The following TRIP12 variants were observed in gnomAD, a reference collection of about 807,000 sequenced individuals.
The protein encoded by TRIP12 is thyroid hormone receptor interactor 12.
In TRIP12, 25 loss-of-function variants were observed where a neutral mutation model predicts 244.2. The ratio of observed to expected loss-of-function variants is 0.10; its 90% CI spans 0.07 to 0.14. TRIP12 has a LOEUF of 0.14. Ranked by LOEUF, TRIP12 falls within the 10% of genes least tolerant of loss-of-function variation. The pLI is 1.00. For synonymous variants in TRIP12, 905 were observed against 873.1 expected (o/e 1.04, Z -0.64); for missense variants, 1,677 against 2,486.4 (o/e 0.67, Z 6.92).
intron 1 of TRIP12, among the ~76,000 whole-genome samples, chr2:229,882,119 T>C (rs1228601683): frequency 6.6e-6 from 1 of 152,180 alleles, no homozygotes; most frequent in Non-Finnish European, 1.5e-5. Flanking sequence ...ATCTATCAAA[T>C]GAGGATAAAG....
chr2:229,767,120 T>C lies in TRIP12; in HGVS notation c.*434A>G, dbSNP rs2032038170. On this transcript the variant is annotated 3_prime_UTR_variant, in exon 42 of 42. Transcript: ENST00000675903. Reference sequence around the variant, plus strand: ...TACTAAACTATATTTGTCAAATACATGTGAGCTTAAATTTCTGTACTTATG... The same window carrying C: ...TACTAAACTATATTTGTCAAATACACGTGAGCTTAAATTTCTGTACTTATG... 6.4e-6 allele frequency: 1 copy of C among 155,826 alleles called. No individual in the cohort carries two copies. The highest frequency in any genetic ancestry group is 1.4e-5 in the Non-Finnish European group (1 of 70,418). The allele number at this position is 155,826 out of a possible 1,614,324, so 9.7% of individuals were successfully genotyped here.
upstream of TRIP12, chr2:229,922,303 A>G (rs2076732890): frequency 5.2e-6 from 3 of 577,814 alleles, no homozygotes; most frequent in South Asian, 6.3e-5. Flanking sequence ...GCAGGAACTA[A>G]TTCCCCCTCG....
chr2:229,818,331 G>A, intron 9 of TRIP12, 33 bp downstream of exon 9: 1 of 1,608,164 alleles, frequency 6.2e-7, no homozygotes, highest in Non-Finnish European at 8.5e-7. Context: ...GAGGACAAAT[G>A]AGGTAAAAAC....
chr2:229,882,292 T>C (rs768757970), intron 1 of TRIP12, among the ~76,000 whole-genome samples: 2 of 152,200 alleles, frequency 1.3e-5, no homozygotes, highest in African/African-American at 4.8e-5. Flanking sequence ...ATCTAATATA[T>C]TGGGAAAGGC....
chr2:229,909,028 TG>T (rs2073669758), intron 1 of TRIP12, among the ~76,000 whole-genome samples: 1 of 145,488 alleles, frequency 6.9e-6, no homozygotes, highest in African/African-American at 2.6e-5. Flanking sequence ...AGGCAGAGGT[TG>T]CACTGAGCTG....
At chr2:229,903,018 CTTTTTTT>C (rs57794819) in intron 1 of TRIP12, among the ~76,000 whole-genome samples, 2 of 104,894 alleles carry the variant, frequency 1.9e-5, no homozygotes, top group African/African-American at 6.3e-5. Flanking sequence ...TTCTTTTTTT[CTTTTTTT>C]TTTTTTTTTT....
chr2:229,792,207 T>A lies in TRIP12; in HGVS notation c.4161A>T (p.Glu1387Asp), dbSNP rs771871614. 1.2e-6 allele frequency: 2 copies of A among 1,614,054 alleles called. No homozygotes were observed. The highest frequency in any genetic ancestry group is 2.7e-5 in the African/African-American group (2 of 75,020). ...CATCGTCATCGCTGTCTTCATCATCTTCTCTTACTCTTCCATACCCTGAAG... is the reference window on the plus strand; with the variant it reads ...CATCGTCATCGCTGTCTTCATCATCATCTCTTACTCTTCCATACCCTGAAG... ...LVVRGYGRVR[E>D]DDEDSDDDGS... Residue 1387 changes from glutamate (E) to aspartate (D), a missense_variant, in exon 28 of 42, where the codon GAA becomes GAT. By Grantham distance (45) the Glu-to-Asp change is conservative. This residue lies in a region of TRIP12 where 265 missense variants were observed against 370.8 expected (regional missense o/e 0.71). Transcript: ENST00000675903.
chr2:229,812,030 A>G (rs368669847), intron 13 of TRIP12, among the ~76,000 whole-genome samples: 12 of 152,338 alleles, frequency 7.9e-5, no homozygotes, highest in African/African-American at 2.9e-4. Context: ...TGATTATCAC[A>G]TAACAGAGAA....
In TRIP12 at chr2:229,792,049, T is replaced by C. The variant is rs2041668565; in HGVS notation, c.4232A>G (p.Asn1411Ser). ...IDESLAAQFL[N>S]SGNVRHRLQF... Reference sequence around the variant, plus strand: ...CAGCCTGTGTCTTACATTTCCTGAATTTAGGAACTGAGCAGCCTGAATAAA... The same window carrying C: ...CAGCCTGTGTCTTACATTTCCTGAACTTAGGAACTGAGCAGCCTGAATAAA... The change falls in exon 29 of 42, where the codon AAT (asparagine) becomes AGT (serine). Residue 1411 changes from asparagine to serine, a missense_variant. Physicochemically the swap from Asn to Ser is conservative, Grantham distance 46. Around this residue, in one of 11 missense-constraint regions of TRIP12, gnomAD observed 265 missense variants for 370.8 expected, o/e 0.71. Transcript: ENST00000675903. The C allele has an allele frequency of 6.2e-7, 1 of 1,614,104 alleles. No homozygotes were observed. The highest frequency in any genetic ancestry group is 1.7e-4 in the Middle Eastern group (1 of 6,060).
At chr2:229,860,553 A>C in intron 2 of TRIP12, 22 bp from the exon 3 acceptor site, 1 of 1,578,036 alleles carries the variant, frequency 6.3e-7, no homozygotes, top group Non-Finnish European at 8.6e-7. Context: ...AAATCAAAAC[A>C]GAAATCTATC....
At chr2:229,850,697 A>G (rs957023040) in intron 4 of TRIP12, among the ~76,000 whole-genome samples, 1 of 152,150 alleles carries the variant, frequency 6.6e-6, no homozygotes, top group Non-Finnish European at 1.5e-5. Context: ...CCACTCCCTC[A>G]GCTTGCAGGG....
intron 1 of TRIP12, among the ~76,000 whole-genome samples, chr2:229,900,217 A>G (rs1408100143): frequency 2.0e-5 from 3 of 152,272 alleles, no homozygotes; most frequent in African/African-American, 7.2e-5. Context: ...AAAAACAAAC[A>G]GAAACCTGGT....
chr2:229,877,151 G>A (rs1047448220), intron 2 of TRIP12, among the ~76,000 whole-genome samples: 6 of 150,990 alleles, frequency 4.0e-5, no homozygotes, highest in African/African-American at 1.2e-4. Context: ...AACTACTTGC[G>A]ATGCAGTGAG....
chr2:229,840,730 A>C (rs1397609153), intron 5 of TRIP12, 92 bp downstream of exon 5: 2 of 930,326 alleles, frequency 2.1e-6, no homozygotes, highest in East Asian at 5.6e-5. Context: ...ACAAAACAAA[A>C]AACAACCTAT....
chr2:229,792,416 T>C (rs1291274716), intron 27 of TRIP12, among the ~76,000 whole-genome samples, 190 bp from the exon 28 acceptor site: 3 of 152,358 alleles, frequency 2.0e-5, no homozygotes, highest in South Asian at 2.1e-4. Flanking sequence ...TGCATGTACA[T>C]AATGAGATAC....
chr2:229,834,377 G>C (rs1456231520), intron 6 of TRIP12, among the ~76,000 whole-genome samples: 1 of 152,180 alleles, frequency 6.6e-6, no homozygotes, highest in Admixed American at 6.5e-5. Context: ...AAGAAAAATA[G>C]TTCATTCCTT....
intron 4 of TRIP12, among the ~76,000 whole-genome samples, chr2:229,849,533 A>G (rs967217559): frequency 6.6e-6 from 1 of 152,114 alleles, no homozygotes; most frequent in African/African-American, 2.4e-5. Flanking sequence ...CAGCCACAGA[A>G]AAGGGCAAAG....
intron 23 of TRIP12, 51 bp downstream of exon 23, chr2:229,798,824 A>C: frequency 6.3e-7 from 1 of 1,587,840 alleles, no homozygotes; most frequent in Non-Finnish European, 8.6e-7. Flanking sequence ...AATAATGTTT[A>C]AGTTTTTCTG....
At chr2:229,888,540 G>A (rs756114106) in intron 1 of TRIP12, among the ~76,000 whole-genome samples, 2 of 152,200 alleles carry the variant, frequency 1.3e-5, no homozygotes, top group African/African-American at 2.4e-5. Context: ...CAGACACCAA[G>A]AGGAAGACAG....
Sources: gnomAD v4.1 joint callset for allele counts (sites outside exome capture counted in the v4.1 genomes callset) on GRCh38, gnomAD v4.1.1 for gene constraint, gnomAD v4.1.1 regional missense constraint, MANE v1.5 for transcripts, NCBI Gene and HGNC (gene_info 2026-07-23, HGNC 2026-07-21) for gene names.